The following RAD18 variants were observed in gnomAD, a reference collection of about 807,000 sequenced individuals.
The protein encoded by RAD18 is RAD18 E3 ubiquitin protein ligase, also known as E3 ubiquitin-protein ligase RAD18.
In RAD18, 47 loss-of-function variants were observed where a neutral mutation model predicts 60.4. That is an observed-to-expected ratio of 0.78 (90% CI 0.62 to 0.99). RAD18 has a LOEUF of 0.99. Among genes scored for constraint, RAD18 ranks in the 50% least tolerant of loss-of-function variants. The pLI, the probability that RAD18 is intolerant of heterozygous loss-of-function variation, is 0.00. For synonymous variants in RAD18, 225 were observed against 195.5 expected (o/e 1.15, Z -1.26); for missense variants, 640 against 593.3 (o/e 1.08, Z -0.82).
chr3:8,958,857 A>T (rs1941052323), intron 2 of RAD18, 63 bp downstream of exon 2: 25 of 1,286,204 alleles, frequency 1.9e-5, no homozygotes, highest in Non-Finnish European at 2.8e-5. Flanking sequence ...CTTTGGTGTT[A>T]AATTAACACT....
In RAD18 at chr3:8,878,267, T is replaced by C. The variant is rs970687069; in HGVS notation, c.*3090A>G. ...GCCCCCTTTAAGGTCTCAATGCAGG[T>C]AGGGAGTATAAAGTCAGTATCATGG... On this transcript the variant is annotated 3_prime_UTR_variant, in exon 13 of 13. Coordinates refer to ENST00000264926, the MANE Select transcript of RAD18 (RefSeq NM_020165.4). 6.6e-6 allele frequency: 1 copy of C among 152,098 alleles called. No individual in the cohort carries two copies. The highest frequency in any genetic ancestry group is 6.5e-5 in the Admixed American group (1 of 15,278). The allele number at this position is 152,098 out of a possible 1,614,324, so 9.4% of individuals were successfully genotyped here.
chr3:8,907,872 G>T (rs1940040329), intron 9 of RAD18, among the ~76,000 whole-genome samples: 1 of 152,146 alleles, frequency 6.6e-6, no homozygotes, highest in Admixed American at 6.5e-5. Context: ...ACTGCTACGG[G>T]GCCTGCACAG....
chr3:8,928,201 C>G (rs932984960), intron 7 of RAD18, among the ~76,000 whole-genome samples: 7 of 151,488 alleles, frequency 4.6e-5, no homozygotes, highest in African/African-American at 1.7e-4. Context: ...AGAAGTATAG[C>G]TCGTAAAATG....
At chr3:8,913,783 ATTAT>A in intron 7 of RAD18, 63 bp from the exon 8 acceptor site, 2 of 1,065,322 alleles carry the variant, frequency 1.9e-6, no homozygotes, top group Non-Finnish European at 2.7e-6. Flanking sequence ...CTGTACAATA[ATTAT>A]TTAAGTTGTT....
At chr3:8,889,760 T>C (rs45588936) in intron 12 of RAD18, among the ~76,000 whole-genome samples, 4 of 152,278 alleles carry the variant, frequency 2.6e-5, no homozygotes, top group East Asian at 1.9e-4. Context: ...TTTACGCATA[T>C]TAAAGAGTCC....
At chr3:8,948,888 CTCT>C (rs1940881803) in intron 2 of RAD18, among the ~76,000 whole-genome samples, 1 of 152,128 alleles carries the variant, frequency 6.6e-6, no homozygotes, top group Non-Finnish European at 1.5e-5. Flanking sequence ...TGCCAGATAT[CTCT>C]ACTGCTTATC....
chr3:8,914,853 A>T (rs996717927), intron 7 of RAD18, among the ~76,000 whole-genome samples: 5 of 152,160 alleles, frequency 3.3e-5, no homozygotes, highest in Admixed American at 6.5e-5. Context: ...TATTAAGAAA[A>T]CTAGGCCAGG....
At chr3:8,885,840 G>C (rs1188362999) in intron 12 of RAD18, among the ~76,000 whole-genome samples, 1 of 152,180 alleles carries the variant, frequency 6.6e-6, no homozygotes, top group Non-Finnish European at 1.5e-5. Flanking sequence ...ATATATTACA[G>C]TTAGGCCTTA....
intron 2 of RAD18, among the ~76,000 whole-genome samples, chr3:8,954,898 T>C (rs1940983128): frequency 6.6e-6 from 1 of 151,944 alleles, no homozygotes; most frequent in Non-Finnish European, 1.5e-5. Context: ...TTGTGACAAC[T>C]GGTGTTTAGT....
At chr3:8,883,788 T>C (rs764796334) in intron 12 of RAD18, among the ~76,000 whole-genome samples, 3 of 152,188 alleles carry the variant, frequency 2.0e-5, no homozygotes, top group Non-Finnish European at 4.4e-5. Context: ...TCTTCAGCTT[T>C]TACCATTAGG....
At chr3:8,960,442 T>A (rs1941078602) in intron 1 of RAD18, among the ~76,000 whole-genome samples, 1 of 152,224 alleles carries the variant, frequency 6.6e-6, no homozygotes, top group African/African-American at 2.4e-5. Flanking sequence ...ATTTTATGTG[T>A]ATTTTGAACC....
At chr3:8,955,914 C>G (rs1013744745) in intron 2 of RAD18, among the ~76,000 whole-genome samples, 6 of 152,178 alleles carry the variant, frequency 3.9e-5, no homozygotes, top group Admixed American at 2.0e-4. Context: ...CCTAAAACCA[C>G]AGGTAGTACT....
At chr3:8,886,310 G>A (rs1419971000) in intron 12 of RAD18, among the ~76,000 whole-genome samples, 1 of 152,172 alleles carries the variant, frequency 6.6e-6, no homozygotes, top group African/African-American at 2.4e-5. Context: ...AAGGGAGGAG[G>A]TATAATGAGG....
intron 6 of RAD18, among the ~76,000 whole-genome samples, chr3:8,936,725 A>G (rs1442091228): frequency 6.6e-6 from 1 of 152,214 alleles, no homozygotes; most frequent in African/African-American, 2.4e-5. Context: ...TTTGCATATA[A>G]CTAGCTCACA....
intron 12 of RAD18, among the ~76,000 whole-genome samples, chr3:8,885,921 G>C (rs972007353): frequency 1.3e-5 from 2 of 152,188 alleles, no homozygotes; most frequent in Non-Finnish European, 2.9e-5. Context: ...GCCAGAACCA[G>C]TCCATGGTCA....
At chr3:8,958,862 A>T in intron 2 of RAD18, 58 bp downstream of exon 2, 1 of 1,315,144 alleles carries the variant, frequency 7.6e-7, no homozygotes, top group Non-Finnish European at 1.1e-6. Flanking sequence ...GTGTTAAATT[A>T]ACACTACCTC....
intron 2 of RAD18, among the ~76,000 whole-genome samples, chr3:8,951,374 A>T (rs1257507028): frequency 6.6e-6 from 1 of 152,214 alleles, no homozygotes; most frequent in African/African-American, 2.4e-5. Flanking sequence ...CCAACCTAAA[A>T]CTATATCCTG....
chr3:8,944,531 G>T (rs536728209), intron 4 of RAD18, among the ~76,000 whole-genome samples: 9 of 149,938 alleles, frequency 6.0e-5, no homozygotes, highest in African/African-American at 2.2e-4. Context: ...GCAAGAAGAA[G>T]AGAGGAAAGG....
At chr3:8,921,236 T>A (rs990446920) in intron 7 of RAD18, among the ~76,000 whole-genome samples, 1 of 152,248 alleles carries the variant, frequency 6.6e-6, no homozygotes, top group South Asian at 2.1e-4. Flanking sequence ...TTCACTATGA[T>A]AGTCTTTCAA....
Sources: gnomAD v4.1 joint callset for allele counts (sites outside exome capture counted in the v4.1 genomes callset) on GRCh38, gnomAD v4.1.1 for gene constraint, MANE v1.5 for transcripts, NCBI Gene and HGNC (gene_info 2026-07-23, HGNC 2026-07-21) for gene names.